Variants in HLA-DPB1 observed in about 807,000 individuals in gnomAD.
HLA-DPB1 encodes the protein HLA class II histocompatibility antigen, DP beta 1 chain.
HLA-DPB1 carries 30 observed loss-of-function variants against 29.4 expected under a neutral mutation model. The observed-to-expected ratio is 1.02, with a 90% CI of 0.76 to 1.38. The LOEUF (loss-of-function observed/expected upper bound fraction) is 1.38. Ranked by LOEUF, HLA-DPB1 falls within the 40% of genes most tolerant of loss-of-function variation. The probability of loss-of-function intolerance (pLI) is 0.00; values close to 1 mark genes in which losing one functional copy is unlikely to be tolerated. For missense variants in HLA-DPB1, 261 were observed against 327.5 expected, an observed-to-expected ratio of 0.80 and a Z score of 1.57; for synonymous variants, 114 against 134.0, an observed-to-expected ratio of 0.85 and a Z score of 1.03.
intron 2 of HLA-DPB1, 150 bp downstream of exon 2, chr6:33,081,085 C>T: frequency 1.1e-6 from 1 of 934,834 alleles, no homozygotes. Flanking sequence ...CCATCTGGAG[C>T]TTGTCAGGGG....
Position 33,086,742 on chromosome 6 carries a change from C to G in HLA-DPB1, c.*208C>G, listed in dbSNP as rs1042644. ...GGGCCTCCAACCATGTTCCCTTCTT[C>G]TTAGCACCACAAATAATCAAAACCC... On this transcript the variant is annotated 3_prime_UTR_variant, in exon 6 of 6. Coordinates refer to ENST00000418931, the MANE Select transcript of HLA-DPB1 (RefSeq NM_002121.6). 2.6e-6 allele frequency: 1 copy of G among 379,632 alleles called. No individual in the cohort carries two copies. The highest frequency in any genetic ancestry group is 5.3e-6 in the Non-Finnish European group (1 of 187,256). The allele number at this position is 379,632 out of a possible 1,614,324, so 23.5% of individuals were successfully genotyped here. A position where few individuals can be genotyped will look rare whatever the true frequency, so the allele number is the denominator to read the frequency against.
rs9277551 is a variant in HLA-DPB1 at position 33,087,717 on chromosome 6, G to A, written c.*1183G>A. On this transcript the variant is annotated 3_prime_UTR_variant, in exon 6 of 6. Coordinates refer to ENST00000418931, the MANE Select transcript of HLA-DPB1 (RefSeq NM_002121.6). ...CCCCTTGCAAATAATATCTTCCATCGGGGGACCGGCTTCCTCCAATTTCAG... is the reference window on the plus strand; with the variant it reads ...CCCCTTGCAAATAATATCTTCCATCAGGGGACCGGCTTCCTCCAATTTCAG... 1.3e-5 allele frequency among the ~76,000 whole-genome samples: 2 copies of A among 151,660 alleles called. No homozygotes were observed. Among genetic ancestry groups the A allele is most frequent in the African/African-American group, 4.9e-5 (2 of 41,180 alleles).
At position 33,080,736 on chromosome 6, in the gene HLA-DPB1, G is replaced by A. The variant is rs776310599; in HGVS notation, c.165G>A (p.Glu55=). 1.1e-5 allele frequency: 18 copies of A among 1,610,692 alleles called. No homozygotes were observed. Among genetic ancestry groups the A allele is most frequent in the Admixed American group, 8.3e-5 (5 of 59,902 alleles). Residue 55 remains glutamate, a synonymous_variant, in exon 2 of 6, where the codon GAG becomes GAA. Transcript: ENST00000418931. This position sits in a 1 kb window ranked among gnomAD's most constrained non-coding sequence, Gnocchi z 4.3. ...TTAATGGGACACAGCGCTTCCTGGA[G>A]AGATACATCTACAACCGGGAGGAGT... is the stretch of plus-strand genomic sequence containing the variant. ...YAFNGTQRFL[E]RYIYNREEFA...
chr6:33,085,766 C>G lies in HLA-DPB1; in HGVS notation c.647-13C>G. On this transcript the variant is annotated splice_polypyrimidine_tract_variant and intron_variant, in intron 3 of 5. Transcript: ENST00000418931. Reference sequence around the variant, plus strand: ...GGTGGAGGTGACACTAAACCTGGGTCTGTCCTTCCCAGAGGCACAGTCTGA... The same window carrying G: ...GGTGGAGGTGACACTAAACCTGGGTGTGTCCTTCCCAGAGGCACAGTCTGA... 1 of 1,594,882 alleles carries G rather than the reference C, an allele frequency of 6.3e-7. No homozygotes were observed. Among genetic ancestry groups the G allele is most frequent in the East Asian group, 2.2e-5 (1 of 44,750 alleles).
chr6:33,084,829 G>T, intron 2 of HLA-DPB1, 121 bp from the exon 3 acceptor site: 1 of 739,976 alleles, frequency 1.4e-6, no homozygotes, highest in Non-Finnish European at 2.2e-6. Context: ...GAAAGAAAGA[G>T]CGAGATTATG....
Position 33,080,314 on chromosome 6 carries a change from C to T in HLA-DPB1, c.101-358C>T, listed in dbSNP as rs935097101. 1 of 452,486 alleles carries T rather than the reference C, an allele frequency of 2.2e-6. No homozygotes were observed. Among genetic ancestry groups the T allele is most frequent in the Non-Finnish European group, 4.4e-6 (1 of 229,844 alleles). 28.0% of individuals were successfully genotyped at this position (452,486 alleles called of 1,614,324 possible). A position where few individuals can be genotyped will look rare whatever the true frequency, so the allele number is the denominator to read the frequency against. The stretch of plus-strand genomic sequence containing the variant: ...GGGAGCAGCTCCGCCCTCCACGTCC[C>T]CAGCTCCTCCCGCCCCTGTTTTTTC... On this transcript the variant is annotated intron_variant, in intron 1 of 5. Transcript: ENST00000418931. This position sits in a 1 kb window ranked among gnomAD's most constrained non-coding sequence, Gnocchi z 4.3.
chr6:33,089,584 T>C lies in HLA-DPB1; in HGVS notation c.*3050T>C, dbSNP rs1457793660. 6.6e-6 allele frequency among the ~76,000 whole-genome samples: 1 copy of C among 152,220 alleles called. No homozygotes were observed. The highest frequency in any genetic ancestry group is 1.5e-5 in the Non-Finnish European group (1 of 68,040). ...AAGAACACACTTCTCGCATTTCATTTTCCAATGTAAATCATATGGCTGCAA... is the reference window on the plus strand; with the variant it reads ...AAGAACACACTTCTCGCATTTCATTCTCCAATGTAAATCATATGGCTGCAA... On this transcript the variant is annotated 3_prime_UTR_variant, in exon 6 of 6. Coordinates refer to ENST00000418931, the MANE Select transcript of HLA-DPB1 (RefSeq NM_002121.6).
At chr6:33,085,724 T>G in intron 3 of HLA-DPB1, 55 bp from the exon 4 acceptor site, 5 of 1,125,694 alleles carry the variant, frequency 4.4e-6, no homozygotes, top group Non-Finnish European at 6.8e-6. Context: ...AGACAGGACA[T>G]GAGTAGGGAT....
At position 33,086,667 on chromosome 6, in the gene HLA-DPB1, G is replaced by C. The variant is rs1278904230; in HGVS notation, c.*133G>C. 1 of 480,728 alleles carries C rather than the reference G, an allele frequency of 2.1e-6. No homozygotes were observed. The highest frequency in any genetic ancestry group is 4.2e-6 in the Non-Finnish European group (1 of 240,236). 29.8% of individuals were successfully genotyped at this position (480,728 alleles called of 1,614,324 possible). On this transcript the variant is annotated 3_prime_UTR_variant, in exon 6 of 6. Transcript: ENST00000418931. ...ACTGCTGCCAAGAAGTTGCTCTGAA[G>C]TCAGTTTCTATCATTCTGCTCTTTG...
At chr6:33,078,182 G>C (rs1457138949) in intron 1 of HLA-DPB1, among the ~76,000 whole-genome samples, 1 of 152,268 alleles carries the variant, frequency 6.6e-6, no homozygotes, top group Non-Finnish European at 1.5e-5. Context: ...GCAGTGAAAG[G>C]GAGGACGGGC....
chr6:33,085,782 C>T lies in HLA-DPB1; in HGVS notation c.650C>T (p.Ala217Val), dbSNP rs143091535. The change falls in exon 4 of 6, where the codon GCA becomes GTA. Residue 217 changes from alanine to valine, a missense_variant. Physicochemically the swap from Ala to Val is moderately conservative, Grantham distance 64 (BLOSUM62 0). Transcript: ENST00000418931. Reference sequence around the variant, plus strand: ...AACCTGGGTCTGTCCTTCCCAGAGGCACAGTCTGATTCTGCCCGGAGTAAG... The same window carrying T: ...AACCTGGGTCTGTCCTTCCCAGAGGTACAGTCTGATTCTGCCCGGAGTAAG... Reference protein sequence around the residue: ...LDSPVTVEWKAQSDSARSKTL... With the variant: ...LDSPVTVEWKVQSDSARSKTL... 6.6e-5 allele frequency: 106 copies of T among 1,612,472 alleles called. 3 individuals are homozygous for T. In the African/African-American group the frequency reaches 1.1e-3, roughly 16 times the overall value.
Position 33,076,125 on chromosome 6 carries a change from G to C in HLA-DPB1, c.84G>C (p.Gln28His). ...LLMVLLTSVV[Q>H]GRATPENYLF... ...TGGTGCTGCTCACATCTGTGGTCCA[G>C]GGCAGGGCCACTCCAGGTAAGAGCC... Residue 28 changes from glutamine to histidine, a missense_variant, in exon 1 of 6, where the codon CAG becomes CAC. By Grantham distance (24) the Gln-to-His change is conservative. Transcript: ENST00000418931. The C allele has an allele frequency of 6.2e-7, 1 of 1,610,300 alleles. No individual in the cohort carries two copies. The highest frequency in any genetic ancestry group is 8.5e-7 in the Non-Finnish European group (1 of 1,178,706).
rs1477548131 is a variant in HLA-DPB1 at position 33,080,705 on chromosome 6, A to G, written c.134A>G (p.Tyr45Cys). The G allele has an allele frequency of 1.2e-6, 2 of 1,613,198 alleles. No homozygotes were observed. Among genetic ancestry groups the G allele is most frequent in the Admixed American group, 1.7e-5 (1 of 60,020 alleles). ...CTTTTCCAGGGACGGCAGGAATGCT[A>G]CGCGTTTAATGGGACACAGCGCTTC... is the stretch of plus-strand genomic sequence containing the variant. The part of the protein sequence containing the change: ...NYLFQGRQEC[Y>C]AFNGTQRFLE... The change falls in exon 2 of 6, where the codon TAC (tyrosine) becomes TGC (cysteine). Residue 45 changes from tyrosine (Y) to cysteine (C), a missense_variant. Transcript: ENST00000418931. The surrounding 1 kb of genome is among the most constrained non-coding windows in gnomAD (Gnocchi z 4.3).
In HLA-DPB1 at chr6:33,080,115, C is replaced by T. The variant is rs2567280; in HGVS notation, c.101-557C>T. ...AGTTTTAAGAAATATATTTCTACATCTCCTACATGCAAAACAACAGGAGCA... is the reference window on the plus strand; with the variant it reads ...AGTTTTAAGAAATATATTTCTACATTTCCTACATGCAAAACAACAGGAGCA... On this transcript the variant is annotated intron_variant, in intron 1 of 5. Coordinates refer to ENST00000418931, the MANE Select transcript of HLA-DPB1 (RefSeq NM_002121.6). The surrounding 1 kb of genome is among the most constrained non-coding windows in gnomAD (Gnocchi z 4.3). Among the ~76,000 whole-genome samples the T allele has an allele frequency of 0.024, 3,605 of 152,234 alleles. 86 individuals carry two copies. Among genetic ancestry groups the T allele is most frequent in the African/African-American group, 0.066 (2,742 of 41,514 alleles).
At chr6:33,085,418 G>A (rs1763053570) in intron 3 of HLA-DPB1, among the ~76,000 whole-genome samples, 187 bp downstream of exon 3, 1 of 152,170 alleles carries the variant, frequency 6.6e-6, no homozygotes. Context: ...CTTGGCTTAG[G>A]GGTTCCTGAA....
intron 2 of HLA-DPB1, chr6:33,084,109 G>T (rs1374944561): frequency 7.8e-6 from 1 of 127,410 alleles, no homozygotes; most frequent in Admixed American, 7.2e-5. Flanking sequence ...CATTTTCTTT[G>T]TATTTTCATG....
chr6:33,087,260 A>T lies in HLA-DPB1; in HGVS notation c.*726A>T. ...TAACCAAATACGGCTTGGACTTTTG[A>T]ATGCATCCAATAGACGTCATTTGTC... On this transcript the variant is annotated 3_prime_UTR_variant, in exon 6 of 6. Coordinates refer to ENST00000418931, the MANE Select transcript of HLA-DPB1 (RefSeq NM_002121.6). 1 of 153,452 alleles carries T rather than the reference A, an allele frequency of 6.5e-6. No homozygotes were observed. The highest frequency in any genetic ancestry group is 1.5e-5 in the Non-Finnish European group (1 of 68,692). The allele number at this position is 153,452 out of a possible 1,614,324, so 9.5% of individuals were successfully genotyped here.
intron 2 of HLA-DPB1, among the ~76,000 whole-genome samples, chr6:33,084,702 G>A (rs1354917111): frequency 3.3e-5 from 5 of 152,030 alleles, no homozygotes; most frequent in Non-Finnish European, 2.9e-5. Flanking sequence ...GGGAGGCTGA[G>A]GAAGGAGAAT....
At position 33,085,104 on chromosome 6, in the gene HLA-DPB1, C is replaced by T. The variant is rs1763038382; in HGVS notation, c.519C>T (p.Asn173=). ...AAACAGCTGGGGTCGTGTCCACCAA[C>T]CTGATCCGTAATGGAGACTGGACCT... is the stretch of plus-strand genomic sequence containing the variant. ...QEETAGVVST[N]LIRNGDWTFQ... Residue 173 remains asparagine (N), a synonymous_variant, in exon 3 of 6, where the codon AAC becomes AAT. Coordinates refer to ENST00000418931, the MANE Select transcript of HLA-DPB1 (RefSeq NM_002121.6). 2.5e-6 allele frequency: 4 copies of T among 1,613,970 alleles called. No homozygotes were observed. The highest frequency in any genetic ancestry group is 1.1e-5 in the South Asian group (1 of 91,074).
Sources: gnomAD v4.1 joint callset for allele counts (sites outside exome capture counted in the v4.1 genomes callset) on GRCh38, gnomAD v4.1.1 for gene constraint, Gnocchi (gnomAD v3.1) non-coding constraint, MANE v1.5 for transcripts, NCBI Gene and HGNC (gene_info 2026-07-23, HGNC 2026-07-21) for gene names.